EPB41: variants seen among roughly 807,000 people sequenced by gnomAD.
EPB41 encodes erythrocyte membrane protein band 4.1.
Under a neutral mutation model 108.0 loss-of-function variants are expected in EPB41, and 65 were observed. The observed-to-expected ratio is 0.60, with a 90% CI of 0.49 to 0.74. The LOEUF is 0.74. Among genes scored for constraint, EPB41 ranks in the 30% least tolerant of loss-of-function variants. EPB41 has a pLI of 0.00. For missense variants in EPB41, 875 were observed against 1,037.0 expected, an observed-to-expected ratio of 0.84 and a Z score of 2.15; for synonymous variants, 336 against 358.9, an observed-to-expected ratio of 0.94 and a Z score of 0.72.
chr1:29,106,937 A>T (rs1271579642), intron 17 of EPB41, among the ~76,000 whole-genome samples: 2 of 151,458 alleles, frequency 1.3e-5, no homozygotes, highest in Admixed American at 1.3e-4. Context: ...TAATCCCAGC[A>T]CTTTGGGAGG....
At chr1:28,940,974 GT>G (rs2094259268) in intron 1 of EPB41, among the ~76,000 whole-genome samples, 1 of 152,012 alleles carries the variant, frequency 6.6e-6, no homozygotes, top group Non-Finnish European at 1.5e-5. Flanking sequence ...GAGGTATAGG[GT>G]ATGGAAAGCA....
chr1:28,976,357 A>AT (rs1488478776), intron 1 of EPB41, among the ~76,000 whole-genome samples: 3 of 151,906 alleles, frequency 2.0e-5, no homozygotes, highest in Non-Finnish European at 4.4e-5. Context: ...TTGGAATCTA[A>AT]TTTTTTTATT....
At chr1:29,060,846 T>A (rs1312969132) in intron 15 of EPB41, among the ~76,000 whole-genome samples, 1 of 152,220 alleles carries the variant, frequency 6.6e-6, no homozygotes, top group Non-Finnish European at 1.5e-5. Context: ...ATTTGCACTA[T>A]TCTTTCATTT....
intron 1 of EPB41, among the ~76,000 whole-genome samples, chr1:28,929,229 TA>T (rs1465725311): frequency 1.3e-5 from 2 of 150,964 alleles, no homozygotes; most frequent in Non-Finnish European, 2.9e-5. Flanking sequence ...TAATTTTTAC[TA>T]TTTTTTTTTT....
At chr1:29,039,813 CA>C (rs201576611) in intron 11 of EPB41, among the ~76,000 whole-genome samples, 7 of 142,434 alleles carry the variant, frequency 4.9e-5, no homozygotes, top group Admixed American at 2.8e-4. Flanking sequence ...GACTCTGTCT[CA>C]AAAAAAAAAG....
intron 17 of EPB41, among the ~76,000 whole-genome samples, chr1:29,109,055 C>T (rs1456317298): frequency 6.6e-6 from 1 of 151,384 alleles, no homozygotes; most frequent in African/African-American, 2.4e-5. Flanking sequence ...AAAATTAGCC[C>T]GGTGTGGTGG....
At chr1:29,070,568 T>G in intron 16 of EPB41, 1 of 1,232,160 alleles carries the variant, frequency 8.1e-7, no homozygotes, top group Non-Finnish European at 1.0e-6. Flanking sequence ...CATGATGTCT[T>G]TTCTCGTGAT....
At chr1:29,029,394 A>G (rs1205105802) in intron 7 of EPB41, among the ~76,000 whole-genome samples, 3 of 152,154 alleles carry the variant, frequency 2.0e-5, no homozygotes, top group Admixed American at 1.3e-4. Context: ...GTTCCAAGGA[A>G]TCCTTTGTCC....
chr1:29,106,245 G>A (rs1667105102), intron 17 of EPB41, among the ~76,000 whole-genome samples: 1 of 152,158 alleles, frequency 6.6e-6, no homozygotes, highest in African/African-American at 2.4e-5. Flanking sequence ...AGACAGAAAA[G>A]AGACTAGAGG....
intron 1 of EPB41, among the ~76,000 whole-genome samples, chr1:28,985,001 G>T (rs1304610534): frequency 6.6e-6 from 1 of 151,022 alleles, no homozygotes; most frequent in African/African-American, 2.4e-5. Flanking sequence ...GTCTCGCTCT[G>T]TTGCCCAGGC....
intron 16 of EPB41, among the ~76,000 whole-genome samples, chr1:29,094,651 T>A (rs932099223): frequency 6.6e-6 from 1 of 152,198 alleles, no homozygotes; most frequent in African/African-American, 2.4e-5. Context: ...TCCTAGGTGT[T>A]TTATTCTTTT....
chr1:29,034,973 G>GTTTTTTTTTTTTTTTT (rs10580931), intron 9 of EPB41, among the ~76,000 whole-genome samples: 53 of 87,160 alleles, frequency 6.1e-4, no homozygotes, highest in Non-Finnish European at 8.7e-4. Context: ...TTTGTTTGTT[G>GTTTTTTTTTTTTTTTT]TTTTTTTTTT....
chr1:29,085,171 TCTCA>T (rs1293809847), intron 16 of EPB41, among the ~76,000 whole-genome samples: 1 of 136,362 alleles, frequency 7.3e-6, no homozygotes, highest in Non-Finnish European at 1.5e-5. Flanking sequence ...TGAGTTGGAG[TCTCA>T]CTCAGTTGCC....
At chr1:29,040,139 T>G (rs114964522) in intron 11 of EPB41, among the ~76,000 whole-genome samples, 3,801 of 152,174 alleles carry the variant, frequency 0.025, 153 homozygotes, top group African/African-American at 0.087. Flanking sequence ...AGGTGGAGGC[T>G]GCAGTGTGCA....
chr1:28,892,448 G>A (rs1236998555), intron 1 of EPB41, among the ~76,000 whole-genome samples: 5 of 152,080 alleles, frequency 3.3e-5, no homozygotes, highest in Admixed American at 2.0e-4. Context: ...GAGGCCAGGC[G>A]TGGTGGCTCA....
At chr1:29,025,064 A>C (rs1163674229) in intron 7 of EPB41, among the ~76,000 whole-genome samples, 1 of 152,130 alleles carries the variant, frequency 6.6e-6, no homozygotes, top group East Asian at 1.9e-4. Context: ...GACAGCCTGC[A>C]TAAATGGAAT....
chr1:29,063,733 GAT>G (rs1646909935), intron 15 of EPB41, among the ~76,000 whole-genome samples: 1 of 152,162 alleles, frequency 6.6e-6, no homozygotes, highest in African/African-American at 2.4e-5. Context: ...AAGCTGCCTT[GAT>G]ATATAATAAA....
At chr1:29,058,397 G>A (rs1168510788) in intron 12 of EPB41, among the ~76,000 whole-genome samples, 192 bp from the exon 13 acceptor site, 2 of 152,158 alleles carry the variant, frequency 1.3e-5, no homozygotes, top group East Asian at 3.9e-4. Flanking sequence ...CCTTGAAAAT[G>A]TGATGGTAAA....
chr1:29,048,702 C>T (rs1643960656), intron 11 of EPB41, among the ~76,000 whole-genome samples: 1 of 152,148 alleles, frequency 6.6e-6, no homozygotes, highest in Non-Finnish European at 1.5e-5. Context: ...TACTCTTCAC[C>T]ATGATGACTT....
Sources: allele counts gnomAD v4.1 joint callset (sites outside exome capture counted in the v4.1 genomes callset), GRCh38; gene constraint gnomAD v4.1.1; transcripts MANE v1.5; gene names NCBI Gene and HGNC (gene_info 2026-07-23, HGNC 2026-07-21).